The following CDH12 variants were observed in gnomAD, a reference collection of about 807,000 sequenced individuals.
The protein encoded by CDH12 is cadherin 12, also known as cadherin-12.
Under a neutral mutation model 74.1 loss-of-function variants are expected in CDH12, and 41 were observed. The observed-to-expected ratio is 0.55, with a 90% CI of 0.43 to 0.72. The LOEUF is 0.72. Among genes scored for constraint, CDH12 ranks in the 30% least tolerant of loss-of-function variants. CDH12 has a pLI of 0.00. For synonymous variants in CDH12, 399 were observed against 355.0 expected (o/e 1.12, Z -1.39); for missense variants, 945 against 977.2 (o/e 0.97, Z 0.44).
At position 22,101,032 on chromosome 5, in the gene CDH12, T is replaced by G. The variant is rs144277986; in HGVS notation, c.-186-22170A>C. ...ATTATAAAATCAAATGTGTTATGCATTGAAATCACTATTTTTATTACAAAA... is the reference window on the plus strand; with the variant it reads ...ATTATAAAATCAAATGTGTTATGCAGTGAAATCACTATTTTTATTACAAAA... On this transcript the variant is annotated intron_variant, in intron 4 of 14. Transcript: ENST00000382254. Among the ~76,000 whole-genome samples, 454 of 152,274 alleles carry G rather than the reference T, an allele frequency of 3.0e-3. 2 individuals carry two copies. Among genetic ancestry groups the G allele is most frequent in the Non-Finnish European group, 4.8e-3 (329 of 67,984 alleles).
chr5:21,992,492 A>T (rs2150136559), intron 5 of CDH12, among the ~76,000 whole-genome samples: 1 of 152,196 alleles, frequency 6.6e-6, no homozygotes, highest in African/African-American at 2.4e-5. Context: ...TTCAGAAGCT[A>T]CTAATTTATT....
intron 4 of CDH12, among the ~76,000 whole-genome samples, chr5:22,165,590 T>G (rs1461270993): frequency 1.3e-5 from 2 of 152,184 alleles, no homozygotes; most frequent in Non-Finnish European, 2.9e-5. Context: ...TTTTTCCTTA[T>G]GTCAGAGGCC....
intron 1 of CDH12, among the ~76,000 whole-genome samples, chr5:22,623,577 G>T (rs376323547): frequency 6.6e-6 from 1 of 152,192 alleles, no homozygotes. Flanking sequence ...GCTTCAAAGA[G>T]AATCAAATAC....
chr5:22,443,954 C>T (rs1029717507), intron 2 of CDH12, among the ~76,000 whole-genome samples: 7 of 151,694 alleles, frequency 4.6e-5, no homozygotes, highest in Admixed American at 2.0e-4. Flanking sequence ...AGGATTTTGA[C>T]GCGTACAAGG....
chr5:22,044,483 G>A (rs896091188), intron 5 of CDH12, among the ~76,000 whole-genome samples: 7 of 152,108 alleles, frequency 4.6e-5, no homozygotes, highest in African/African-American at 7.2e-5. Context: ...TAGATAGAGT[G>A]AGAACTCACT....
intron 1 of CDH12, among the ~76,000 whole-genome samples, chr5:22,559,660 G>A (rs1738955510): frequency 6.6e-6 from 1 of 151,994 alleles, no homozygotes; most frequent in Admixed American, 6.6e-5. Flanking sequence ...GTTTTTCTCT[G>A]AGTACTTCTT....
chr5:22,493,311 TCTGTCACCCTCAA>T (rs1746965416), intron 2 of CDH12, among the ~76,000 whole-genome samples: 1 of 152,186 alleles, frequency 6.6e-6, no homozygotes. Flanking sequence ...TTGTTGATTT[TCTGTCACCCTCAA>T]CTGCAATGTG....
At chr5:22,099,000 T>G (rs1001840331) in intron 4 of CDH12, among the ~76,000 whole-genome samples, 3 of 152,122 alleles carry the variant, frequency 2.0e-5, no homozygotes, top group African/African-American at 7.2e-5. Context: ...TCAAGGATTA[T>G]TCAGGCCCCC....
intron 1 of CDH12, among the ~76,000 whole-genome samples, chr5:22,542,361 A>C (rs1738143458): frequency 6.6e-6 from 1 of 152,182 alleles, no homozygotes; most frequent in Admixed American, 6.5e-5. Context: ...GGAGGAAATA[A>C]AGTGGTTAAG....
At chr5:22,481,052 A>T (rs1746366253) in intron 2 of CDH12, among the ~76,000 whole-genome samples, 1 of 152,226 alleles carries the variant, frequency 6.6e-6, no homozygotes, top group Non-Finnish European at 1.5e-5. Flanking sequence ...CTTTTCAGAT[A>T]GTATTACCTG....
intron 6 of CDH12, chr5:21,883,254 G>T (rs530623149): frequency 7.4e-7 from 1 of 1,352,668 alleles, no homozygotes; most frequent in East Asian, 2.3e-5. Context: ...GTTTGATTGA[G>T]GGTATATTTC....
At chr5:22,579,292 A>T (rs1739958264) in intron 1 of CDH12, among the ~76,000 whole-genome samples, 1 of 152,172 alleles carries the variant, frequency 6.6e-6, no homozygotes, top group African/African-American at 2.4e-5. Context: ...AAATGAATAT[A>T]TTCATGAATA....
At chr5:22,118,504 C>T (rs1239490318) in intron 4 of CDH12, among the ~76,000 whole-genome samples, 1 of 151,900 alleles carries the variant, frequency 6.6e-6, no homozygotes, top group Non-Finnish European at 1.5e-5. Flanking sequence ...GATTCAAATG[C>T]ATTTAAAAAC....
chr5:22,691,683 T>G (rs879266301), intron 1 of CDH12, among the ~76,000 whole-genome samples: 10 of 152,312 alleles, frequency 6.6e-5, no homozygotes, highest in Middle Eastern at 3.4e-3. Flanking sequence ...TGCAATCTTT[T>G]GAGATTCACT....
chr5:22,609,974 C>T (rs1328214999), intron 1 of CDH12, among the ~76,000 whole-genome samples: 1 of 152,252 alleles, frequency 6.6e-6, no homozygotes, highest in Non-Finnish European at 1.5e-5. Context: ...TCCCCAGTTC[C>T]ACCTGTGTTA....
At chr5:22,410,358 A>G (rs1169879608) in intron 2 of CDH12, among the ~76,000 whole-genome samples, 1 of 152,074 alleles carries the variant, frequency 6.6e-6, no homozygotes, top group East Asian at 1.9e-4. Context: ...TATCTGACCT[A>G]TCTTGTTTGA....
chr5:22,515,793 G>A (rs565188419), intron 1 of CDH12, among the ~76,000 whole-genome samples: 2 of 152,176 alleles, frequency 1.3e-5, no homozygotes, highest in South Asian at 2.1e-4. Context: ...AGATCAAAGT[G>A]TAAGACTGTT....
At chr5:22,441,540 T>C (rs1233011536) in intron 2 of CDH12, among the ~76,000 whole-genome samples, 1 of 152,152 alleles carries the variant, frequency 6.6e-6, no homozygotes, top group African/African-American at 2.4e-5. Flanking sequence ...TTCACTAACC[T>C]AAAACTAGTC....
rs371283358 is a variant in CDH12, at chr5:22,702,951, C to T, written c.-523+150107G>A. 2.0e-5 allele frequency among the ~76,000 whole-genome samples: 3 copies of T among 152,044 alleles called. No homozygotes were observed. The East Asian group carries it at 5.8e-4, about 29-fold the overall frequency. On this transcript the variant is annotated intron_variant, in intron 1 of 14. Coordinates refer to ENST00000382254, the MANE Select transcript of CDH12 (RefSeq NM_004061.5). ...TTCTGCAATAAGCAGTCTTTTTCCT[C>T]TCATTTCTCCTTCCCTGATTCAACC...
Sources: gnomAD v4.1 joint callset for allele counts (sites outside exome capture counted in the v4.1 genomes callset) on GRCh38, gnomAD v4.1.1 for gene constraint, MANE v1.5 for transcripts, NCBI Gene and HGNC (gene_info 2026-07-23, HGNC 2026-07-21) for gene names.